Variants in ETV5 observed in about 807,000 individuals in gnomAD.
The protein encoded by ETV5 is ETS translocation variant 5.
In ETV5, 10 loss-of-function variants were observed where a neutral mutation model predicts 70.0. The ratio of observed to expected loss-of-function variants is 0.14; its 90% CI spans 0.09 to 0.24. ETV5 has a LOEUF of 0.24. Among genes scored for constraint, ETV5 ranks in the 10% least tolerant of loss-of-function variants. The pLI is 1.00. For synonymous variants in ETV5, 216 were observed against 242.2 expected (o/e 0.89, Z 1.01); for missense variants, 453 against 651.2 (o/e 0.70, Z 3.31).
At chr3:186,099,469 GGGCACAGATGGGGCCCAA>G (rs1560056518) in intron 5 of ETV5, among the ~76,000 whole-genome samples, 1 of 152,248 alleles carries the variant, frequency 6.6e-6, no homozygotes, top group East Asian at 1.9e-4. Flanking sequence ...CTGTGTGCCA[GGGCACAGATGGGGCCCAA>G]GCTGCCTCAA....
intron 7 of ETV5, among the ~76,000 whole-genome samples, chr3:186,078,864 T>G (rs1014693059): frequency 2.0e-5 from 3 of 152,030 alleles, no homozygotes; most frequent in Admixed American, 6.6e-5. Context: ...GGACCTTATT[T>G]TTTCCCCTGC....
chr3:186,060,111 T>G (rs982046334), intron 9 of ETV5, among the ~76,000 whole-genome samples: 5 of 152,228 alleles, frequency 3.3e-5, no homozygotes, highest in Non-Finnish European at 5.9e-5. Context: ...ATGGTCTTAT[T>G]ATAAAGTCAT....
chr3:186,080,385 G>A (rs763090828), intron 6 of ETV5, among the ~76,000 whole-genome samples: 31 of 150,178 alleles, frequency 2.1e-4, no homozygotes, highest in Admixed American at 1.8e-3. Context: ...AGAATTCTCC[G>A]TGTATGCCTG....
chr3:186,077,215 G>C (rs1314950284), intron 7 of ETV5, among the ~76,000 whole-genome samples: 1 of 152,116 alleles, frequency 6.6e-6, no homozygotes, highest in Non-Finnish European at 1.5e-5. Context: ...CCATATATTT[G>C]TATTAGGGAT....
At chr3:186,071,060 T>G (rs1477272875) in intron 7 of ETV5, among the ~76,000 whole-genome samples, 1 of 152,192 alleles carries the variant, frequency 6.6e-6, no homozygotes. Flanking sequence ...TTTGTCAGAT[T>G]TATATAGCGC....
chr3:186,070,686 A>G (rs1713610682), intron 7 of ETV5, among the ~76,000 whole-genome samples: 3 of 152,226 alleles, frequency 2.0e-5, no homozygotes, highest in African/African-American at 7.2e-5. Context: ...CTTGTCCTCA[A>G]AATACATCCT....
chr3:186,087,067 G>A (rs1033572813), intron 5 of ETV5, among the ~76,000 whole-genome samples: 1 of 152,104 alleles, frequency 6.6e-6, no homozygotes, highest in Non-Finnish European at 1.5e-5. Flanking sequence ...GATCATGCTC[G>A]TGGATTGGAA....
At chr3:186,067,075 G>A (rs151210879) in intron 7 of ETV5, among the ~76,000 whole-genome samples, 281 of 152,166 alleles carry the variant, frequency 1.8e-3, no homozygotes, top group African/African-American at 6.3e-3. Flanking sequence ...CGGGCAGATC[G>A]CTTGAGGTCA....
At chr3:186,079,332 T>C (rs1208472960) in intron 7 of ETV5, 11 of 230,178 alleles carry the variant, frequency 4.8e-5, no homozygotes, top group Middle Eastern at 1.3e-3. Context: ...AAAGCAGATG[T>C]ACAAATAAGG....
chr3:186,063,240 A>G (rs1713352825), intron 9 of ETV5, among the ~76,000 whole-genome samples: 1 of 152,260 alleles, frequency 6.6e-6, no homozygotes, highest in Admixed American at 6.5e-5. Flanking sequence ...ACTGCACTCC[A>G]GCCTGGGCAA....
rs781230018 is a variant in ETV5, at chr3:186,064,454, G to C, written c.933C>G (p.Ser311=). The C allele has an allele frequency of 6.2e-7, 1 of 1,614,124 alleles. No homozygotes were observed. The highest frequency in any genetic ancestry group is 8.5e-7 in the Non-Finnish European group (1 of 1,180,000). The change falls in exon 9 of 13, where the codon TCC becomes TCG. Residue 311 remains serine (S), a synonymous_variant. Coordinates refer to ENST00000306376, the MANE Select transcript of ETV5 (RefSeq NM_004454.3). ...TGGAGAAATAACCCCCTCTCATGTA[G>C]GATGACTGGCAGTTAGGCACTTCTG... ...VDSEVPNCQS[S]YMRGGYFSSS...
rs4686724 is a variant in ETV5, at chr3:186,046,674, G to A, written c.*1965C>T. On this transcript the variant is annotated 3_prime_UTR_variant, in exon 13 of 13. Transcript: ENST00000306376. ...TAAGACAGCATAAATCCATTCAAAA[G>A]AAAAAAAAAAAAAATCCAAACCAGG... 0.75 allele frequency: 150,670 copies of A among 200,052 alleles called. 50,981 individuals carry two copies. Among genetic ancestry groups the A allele is most frequent in the Admixed American group, 0.84 (13,305 of 15,874 alleles). 12.4% of individuals were successfully genotyped at this position (200,052 alleles called of 1,614,324 possible). A position where few individuals can be genotyped will look rare whatever the true frequency, so the allele number is the denominator to read the frequency against.
chr3:186,086,149 C>T (rs1714054149), intron 5 of ETV5, among the ~76,000 whole-genome samples: 1 of 152,204 alleles, frequency 6.6e-6, no homozygotes, highest in South Asian at 2.1e-4. Context: ...ATATATATGA[C>T]AGTCTTAGCT....
chr3:186,105,933 A>C lies in ETV5; in HGVS notation c.-65T>G. ...AGCATTGAGTAATTTCTGGGGGAAA[A>C]GGGATCCTCCTGTAATATGAATTTG... On this transcript the variant is annotated 5_prime_UTR_variant, in exon 2 of 13. Transcript: ENST00000306376. This position sits in a 1 kb window ranked among gnomAD's most constrained non-coding sequence, Gnocchi z 4.5. 6.3e-7 allele frequency: 1 copy of C among 1,590,274 alleles called. No individual in the cohort carries two copies. Among genetic ancestry groups the C allele is most frequent in the Non-Finnish European group, 8.6e-7 (1 of 1,165,380 alleles).
chr3:186,080,922 AAAG>A, intron 6 of ETV5, 121 bp downstream of exon 6: 6 of 1,189,844 alleles, frequency 5.0e-6, no homozygotes, highest in Non-Finnish European at 5.8e-6. Flanking sequence ...CACTGCCATG[AAAG>A]AAGGATATGT....
At chr3:186,069,012 A>G (rs992063145) in intron 7 of ETV5, among the ~76,000 whole-genome samples, 4 of 152,222 alleles carry the variant, frequency 2.6e-5, no homozygotes, top group African/African-American at 9.6e-5. Context: ...CTTTAATAAA[A>G]TAGTTTGAAT....
Position 186,048,329 on chromosome 3 carries a change from T to C in ETV5, c.*310A>G, listed in dbSNP as rs1308811905. 7.0e-6 allele frequency: 3 copies of C among 426,316 alleles called. No individual in the cohort carries two copies. The Admixed American group carries it at 1.2e-4, about 17-fold the overall frequency. 26.4% of individuals were successfully genotyped at this position (426,316 alleles called of 1,614,324 possible). A position where few individuals can be genotyped will look rare whatever the true frequency, so the allele number is the denominator to read the frequency against. ...ATGTCCCGTTTTGCGGGTACTAACC[T>C]GAACAAGATATTGCTTTGCATGTAT... is the stretch of plus-strand genomic sequence containing the variant. On this transcript the variant is annotated 3_prime_UTR_variant, in exon 13 of 13. Transcript: ENST00000306376.
intron 7 of ETV5, chr3:186,076,373 G>A (rs1713789683): frequency 5.0e-6 from 1 of 198,120 alleles, no homozygotes. Flanking sequence ...TGGGAGTTTT[G>A]ACCTGCTCTG....
intron 8 of ETV5, 137 bp from the exon 9 acceptor site, chr3:186,064,613 G>C: frequency 1.2e-6 from 1 of 818,724 alleles, no homozygotes; most frequent in Non-Finnish European, 2.1e-6. Context: ...TTTGTCCTGG[G>C]AAAGAGGTGC....
Sources: allele counts gnomAD v4.1 joint callset (sites outside exome capture counted in the v4.1 genomes callset), GRCh38; gene constraint gnomAD v4.1.1; non-coding constraint Gnocchi (gnomAD v3.1); transcripts MANE v1.5; gene names NCBI Gene and HGNC (gene_info 2026-07-23, HGNC 2026-07-21).